Variants in STK11 observed in about 807,000 individuals in gnomAD.
STK11 encodes serine/threonine-protein kinase STK11.
Under a neutral mutation model 47.3 loss-of-function variants are expected in STK11, and 8 were observed. That is an observed-to-expected ratio of 0.17 (90% CI 0.10 to 0.31). The LOEUF is 0.31. Ranked by LOEUF, STK11 falls within the 10% of genes least tolerant of loss-of-function variation. STK11 has a pLI of 1.00. For synonymous variants in STK11, 330 were observed against 255.8 expected (o/e 1.29, Z -2.77); for missense variants, 475 against 605.0 (o/e 0.79, Z 2.25).
intron 1 of STK11, among the ~76,000 whole-genome samples, 176 bp downstream of exon 1, chr19:1,207,379 C>T (rs1345979154): frequency 6.6e-6 from 1 of 152,186 alleles, no homozygotes; most frequent in African/African-American, 2.4e-5. Context: ...GCCTGCGTTA[C>T]GGACTTTCAC....
At chr19:1,209,992 C>T (rs2080698440) in intron 1 of STK11, among the ~76,000 whole-genome samples, 1 of 152,198 alleles carries the variant, frequency 6.6e-6, no homozygotes, top group Non-Finnish European at 1.5e-5. Flanking sequence ...CAATTTCATC[C>T]TGGCCCTGAG....
At chr19:1,226,181 G>C (rs2080819076) in intron 8 of STK11, 1 of 1,315,204 alleles carries the variant, frequency 7.6e-7, no homozygotes. Flanking sequence ...CAGTACCTGG[G>C]TGGGGTCCCA....
Position 1,223,035 on chromosome 19 carries a change from C to T in STK11, c.971C>T (p.Pro324Leu), listed in dbSNP as rs367807476. 1.4e-5 allele frequency: 22 copies of T among 1,594,152 alleles called. No homozygotes were observed. The highest frequency in any genetic ancestry group is 2.7e-5 in the African/African-American group (2 of 74,502). ...PPAEAPVPIP[P>L]SPDTKDRWRS... ...GCTGAAGCACCAGTGCCCATCCCAC[C>T]GAGCCCAGACACCAAGGACCGGTGG... The change falls in exon 8 of 10, where the codon CCG becomes CTG. Residue 324 changes from proline to leucine, a missense_variant. Pro to Leu is a moderately conservative substitution (Grantham distance 98). Transcript: ENST00000326873.
Position 1,219,381 on chromosome 19 carries a change from G to T in STK11, c.432G>T (p.Pro144=), listed in dbSNP as rs376788924. 1 of 1,598,382 alleles carries T rather than the reference G, an allele frequency of 6.3e-7. No homozygotes were observed. Among genetic ancestry groups the T allele is most frequent in the East Asian group, 2.3e-5 (1 of 44,146 alleles). Residue 144 remains proline, a synonymous_variant, in exon 3 of 10, where the codon CCG becomes CCT. Transcript: ENST00000326873. ...TGCAGGAAATGCTGGACAGCGTGCCGGAGAAGCGTTTCCCAGTGTGCCAGG... is the reference window on the plus strand; with the variant it reads ...TGCAGGAAATGCTGGACAGCGTGCCTGAGAAGCGTTTCCCAGTGTGCCAGG... The part of the protein sequence containing the change: ...CGMQEMLDSV[P]EKRFPVCQAH...
intron 1 of STK11, among the ~76,000 whole-genome samples, chr19:1,208,288 G>C (rs187511316): frequency 0.022 from 3,365 of 150,788 alleles, 122 homozygotes; most frequent in African/African-American, 0.076. Context: ...CTGCTCAGGG[G>C]CCCTGGGGCT....
intron 1 of STK11, among the ~76,000 whole-genome samples, chr19:1,211,437 C>A (rs2080709595): frequency 6.9e-6 from 1 of 144,636 alleles, no homozygotes; most frequent in Admixed American, 6.9e-5. Flanking sequence ...CTAGCTGCTG[C>A]TGCGGAGCCC....
intron 6 of STK11, 170 bp downstream of exon 6, chr19:1,221,510 T>C: frequency 9.6e-7 from 1 of 1,046,656 alleles, no homozygotes; most frequent in South Asian, 1.7e-5. Flanking sequence ...GCCAGGTCCC[T>C]CAGCTCCACC....
rs121913322 is a variant in STK11 at position 1,221,320 on chromosome 19, C to T, written c.842C>T (p.Pro281Leu). The change falls in exon 6 of 10, where the codon CCG (proline) becomes CTG (leucine). Residue 281 changes from proline to leucine, a missense_variant. Physicochemically the swap from Pro to Leu is moderately conservative, Grantham distance 98. This residue lies in a region of STK11 where 130 missense variants were observed against 239.7 expected (regional missense o/e 0.54). Transcript: ENST00000326873. ...SYAIPGDCGP[P>L]LSDLLKGMLE... ...GCCATCCCGGGCGACTGTGGCCCCC[C>T]GCTCTCTGACCTGCTGAAAGGTGGG... 1.9e-4 allele frequency: 303 copies of T among 1,609,376 alleles called. 2 individuals are homozygous for T. In the East Asian group the frequency reaches 6.2e-3, roughly 33 times the overall value.
At chr19:1,209,337 C>A (rs2080693279) in intron 1 of STK11, among the ~76,000 whole-genome samples, 1 of 152,150 alleles carries the variant, frequency 6.6e-6, no homozygotes, top group South Asian at 2.1e-4. Flanking sequence ...AATCCCAGCA[C>A]TTTGGGAGGC....
At chr19:1,216,805 C>G (rs1362981441) in intron 1 of STK11, among the ~76,000 whole-genome samples, 1 of 150,868 alleles carries the variant, frequency 6.6e-6, no homozygotes, top group Non-Finnish European at 1.5e-5. Flanking sequence ...GAGGTGCACT[C>G]CAGCCTGGGC....
chr19:1,225,807 GGGA>G, intron 8 of STK11: 1 of 985,688 alleles, frequency 1.0e-6, no homozygotes, highest in Non-Finnish European at 1.2e-6. Context: ...GCTCCTCGCA[GGGA>G]CAGTACGTGG....
intron 3 of STK11, 150 bp from the exon 4 acceptor site, chr19:1,220,223 A>C (rs964942647): frequency 5.7e-5 from 62 of 1,088,748 alleles, no homozygotes; most frequent in Non-Finnish European, 7.8e-5. Context: ...TCCCTGCTGG[A>C]CCTAGCCTTT....
In STK11 at chr19:1,223,028, A is replaced by G. The variant is rs1464772848; in HGVS notation, c.964A>G (p.Ile322Val). The change falls in exon 8 of 10, where the codon ATC becomes GTC. Residue 322 changes from isoleucine to valine, a missense_variant. By Grantham distance (29) the Ile-to-Val change is conservative (BLOSUM62 3). Around this residue, in one of 5 missense-constraint regions of STK11, gnomAD observed 219 missense variants for 189.2 expected, o/e 1.16. Coordinates refer to ENST00000326873, the MANE Select transcript of STK11 (RefSeq NM_000455.5). ...KHPPAEAPVP[I>V]PPSPDTKDRW... ...TCCTCCGGCTGAAGCACCAGTGCCC[A>G]TCCCACCGAGCCCAGACACCAAGGA... The G allele has an allele frequency of 1.9e-6, 3 of 1,590,994 alleles. No homozygotes were observed. The highest frequency in any genetic ancestry group is 2.6e-6 in the Non-Finnish European group (3 of 1,169,482).
In STK11 at chr19:1,227,452, C is replaced by T. The variant is rs1200193699; in HGVS notation, c.*17-141C>T. On this transcript the variant is annotated intron_variant, in intron 9 of 9. Coordinates refer to ENST00000326873, the MANE Select transcript of STK11 (RefSeq NM_000455.5). ...ACCCCGGGAGTGACTCAAGGGTGGCCTTCCCTGGCCTCCCCTGCTGCCCCC... is the reference window on the plus strand; with the variant it reads ...ACCCCGGGAGTGACTCAAGGGTGGCTTTCCCTGGCCTCCCCTGCTGCCCCC... 4 of 942,114 alleles carry T rather than the reference C, an allele frequency of 4.2e-6. No individual in the cohort carries two copies. The East Asian group carries it at 1.6e-4, about 38-fold the overall frequency. 58.4% of individuals were successfully genotyped at this position (942,114 alleles called of 1,614,324 possible).
rs1480456886 is a variant in STK11 at position 1,227,682 on chromosome 19, G to A, written c.*106G>A. 3 of 1,069,464 alleles carry A rather than the reference G, an allele frequency of 2.8e-6. No individual in the cohort carries two copies. The highest frequency in any genetic ancestry group is 3.4e-6 in the Non-Finnish European group (3 of 881,806). 66.2% of individuals were successfully genotyped at this position (1,069,464 alleles called of 1,614,324 possible). A position where few individuals can be genotyped will look rare whatever the true frequency, so the allele number is the denominator to read the frequency against. On this transcript the variant is annotated 3_prime_UTR_variant, in exon 10 of 10. Transcript: ENST00000326873. ...GCCCTCCCGGAGAGGTGGCCGCCAT[G>A]CTTCTGTGCCGACCACGCCCCAGGA...
rs561236403 is a variant in STK11 at position 1,219,769 on chromosome 19, A to T, written c.464+356A>T. Among the ~76,000 whole-genome samples the T allele has an allele frequency of 7.1e-3, 1,078 of 151,292 alleles. 40 individuals are homozygous for T. The East Asian group carries it at 0.1, about 15-fold the overall frequency. On this transcript the variant is annotated intron_variant, in intron 3 of 9. Transcript: ENST00000326873. ...ACCGTGTTAGCCAGGATGGTCTCAA[A>T]CTCCTGACCTCGTGATCCGCCTGCC...
In STK11 at chr19:1,225,060, C is replaced by T. The variant is rs566751817; in HGVS notation, c.1109-1394C>T. On this transcript the variant is annotated intron_variant, in intron 8 of 9. Transcript: ENST00000326873. ...GTCCCTACCCAGGATGCGGGTCCTGCTGCCAACACCCAGATCCCAGGGAAG... is the reference window on the plus strand; with the variant it reads ...GTCCCTACCCAGGATGCGGGTCCTGTTGCCAACACCCAGATCCCAGGGAAG... 13 of 985,904 alleles carry T rather than the reference C, an allele frequency of 1.3e-5. No individual in the cohort carries two copies. The South Asian group carries it at 4.2e-4, about 32-fold the overall frequency. 61.1% of individuals were successfully genotyped at this position (985,904 alleles called of 1,614,324 possible). A position where few individuals can be genotyped will look rare whatever the true frequency, so the allele number is the denominator to read the frequency against.
rs573000220 is a variant in STK11, at chr19:1,227,972, C to T, written c.*396C>T. On this transcript the variant is annotated 3_prime_UTR_variant, in exon 10 of 10. Transcript: ENST00000326873. ...CCAGCTGGCGGGTGTGGAGACCAGG[C>T]TCCTGACCCCGCCATGCATGCAGCG... is the stretch of plus-strand genomic sequence containing the variant. The T allele has an allele frequency of 1.3e-5, 14 of 1,069,408 alleles. No individual in the cohort carries two copies. Among genetic ancestry groups the T allele is most frequent in the Non-Finnish European group, 1.6e-5 (14 of 881,774 alleles). 66.2% of individuals were successfully genotyped at this position (1,069,408 alleles called of 1,614,324 possible).
chr19:1,218,521 A>G (rs2145420928), intron 2 of STK11, 21 bp downstream of exon 2: 1 of 1,608,102 alleles, frequency 6.2e-7, no homozygotes, highest in Non-Finnish European at 8.5e-7. Flanking sequence ...CGGTGTTGGG[A>G]CCGCGGGGCC....
Sources: gnomAD v4.1 joint callset for allele counts (sites outside exome capture counted in the v4.1 genomes callset) on GRCh38, gnomAD v4.1.1 for gene constraint, gnomAD v4.1.1 regional missense constraint, MANE v1.5 for transcripts, NCBI Gene and HGNC (gene_info 2026-07-23, HGNC 2026-07-21) for gene names.